PDZD2: variants seen among roughly 807,000 people sequenced by gnomAD.
The protein encoded by PDZD2 is PDZ domain containing 2.
A neutral mutation model predicts 220.7 loss-of-function variants in PDZD2; 90 were observed. The ratio of observed to expected loss-of-function variants is 0.41; its 90% CI spans 0.34 to 0.49. The LOEUF is 0.49. Among genes scored for constraint, PDZD2 ranks in the 20% least tolerant of loss-of-function variants. The pLI is 0.28. For synonymous variants in PDZD2, 1,375 were observed against 1,450.5 expected (o/e 0.95, Z 1.18); for missense variants, 3,174 against 3,608.5 (o/e 0.88, Z 3.08).
At chr5:31,642,028 T>C (rs1284973203) in intron 1 of PDZD2, among the ~76,000 whole-genome samples, 2 of 152,116 alleles carry the variant, frequency 1.3e-5, no homozygotes, top group Non-Finnish European at 1.5e-5. Context: ...CCTGGTGAGC[T>C]GAACAAGATA....
intron 1 of PDZD2, among the ~76,000 whole-genome samples, chr5:31,739,507 G>A (rs1750120584): frequency 6.6e-6 from 1 of 152,030 alleles, no homozygotes; most frequent in South Asian, 2.1e-4. Flanking sequence ...AAATGTTTAA[G>A]ATAAAAGAAG....
At chr5:32,055,608 C>A (rs891197654) in intron 10 of PDZD2, among the ~76,000 whole-genome samples, 1 of 152,156 alleles carries the variant, frequency 6.6e-6, no homozygotes, top group Admixed American at 6.5e-5. Flanking sequence ...TAGTTATCTT[C>A]AAAAATGCTG....
At position 32,108,034 on chromosome 5, in the gene PDZD2, C is replaced by T; in HGVS notation, c.8419C>T (p.Pro2807Ser). The T allele has an allele frequency of 1.2e-6, 2 of 1,611,964 alleles. No individual in the cohort carries two copies. Among genetic ancestry groups the T allele is most frequent in the Non-Finnish European group, 8.5e-7 (1 of 1,178,128 alleles). The change falls in exon 25 of 25, where the codon CCT becomes TCT. Residue 2807 changes from proline to serine, a missense_variant. Physicochemically the swap from Pro to Ser is moderately conservative, Grantham distance 74. This residue lies in a region of PDZD2 where 631 missense variants were observed against 789.9 expected (regional missense o/e 0.80). Coordinates refer to ENST00000438447, the MANE Select transcript of PDZD2 (RefSeq NM_178140.4). ...GDEILAINGKPLVGLMHFDAW... is the reference protein window; with the variant it reads ...GDEILAINGKSLVGLMHFDAW... ...TGAAATTCTTGCTATTAATGGGAAACCTCTGGTTGGGCTCATGCACTTTGA... is the reference window on the plus strand; with the variant it reads ...TGAAATTCTTGCTATTAATGGGAAATCTCTGGTTGGGCTCATGCACTTTGA...
intron 2 of PDZD2, among the ~76,000 whole-genome samples, chr5:31,877,601 C>T (rs542959587): frequency 5.9e-5 from 9 of 152,270 alleles, no homozygotes; most frequent in African/African-American, 9.6e-5. Context: ...GGTAAGGTCA[C>T]GCCTGGTATC....
intron 7 of PDZD2, among the ~76,000 whole-genome samples, chr5:32,044,649 G>T (rs1207272548): frequency 2.0e-5 from 3 of 152,182 alleles, no homozygotes; most frequent in Non-Finnish European, 2.9e-5. Context: ...TCTGACAGTC[G>T]CAATGCTTCA....
intron 2 of PDZD2, among the ~76,000 whole-genome samples, chr5:31,845,322 A>G (rs760031900): frequency 1.5e-4 from 23 of 152,236 alleles, no homozygotes; most frequent in Non-Finnish European, 2.5e-4. Flanking sequence ...TCTCACGGAT[A>G]ATCATTATGG....
At position 31,983,553 on chromosome 5, in the gene PDZD2, A is replaced by T. The variant is rs35992223; in HGVS notation, c.875A>T (p.His292Leu). 1.2e-6 allele frequency: 2 copies of T among 1,614,208 alleles called. No individual in the cohort carries two copies. The highest frequency in any genetic ancestry group is 1.7e-5 in the Admixed American group (1 of 60,030). ...TCAGAAGTGGACAGAGGGACAGAGCATAGAATTCCAAAGACAGATGCTCCT... is the reference window on the plus strand; with the variant it reads ...TCAGAAGTGGACAGAGGGACAGAGCTTAGAATTCCAAAGACAGATGCTCCT... ...ERSEVDRGTEHRIPKTDAPLT... is the reference protein window; with the variant it reads ...ERSEVDRGTELRIPKTDAPLT... Residue 292 changes from histidine to leucine, a missense_variant, in exon 3 of 25, where the codon CAT becomes CTT. His to Leu is a moderately conservative substitution (Grantham distance 99). Around this residue, in one of 4 missense-constraint regions of PDZD2, gnomAD observed 632 missense variants for 708.1 expected, o/e 0.89. Transcript: ENST00000438447.
chr5:31,802,613 C>G (rs1474685591), intron 2 of PDZD2, among the ~76,000 whole-genome samples: 2 of 152,108 alleles, frequency 1.3e-5, no homozygotes, highest in Non-Finnish European at 1.5e-5. Flanking sequence ...TTGTTTTAAT[C>G]AGATATGGTA....
intron 3 of PDZD2, among the ~76,000 whole-genome samples, chr5:31,989,103 A>G (rs906779582): frequency 6.6e-6 from 1 of 152,192 alleles, no homozygotes; most frequent in Non-Finnish European, 1.5e-5. Flanking sequence ...TCTTCAACAC[A>G]TATATTACGT....
intron 1 of PDZD2, among the ~76,000 whole-genome samples, chr5:31,710,138 G>A (rs1748021270): frequency 6.6e-6 from 1 of 152,020 alleles, no homozygotes. Flanking sequence ...GAGGTAAAAG[G>A]GAATTCAAAG....
Position 31,725,533 on chromosome 5 carries a change from G to A in PDZD2, c.-360-73356G>A, listed in dbSNP as rs1749073599. On this transcript the variant is annotated intron_variant, in intron 1 of 24. Transcript: ENST00000438447. ...AAATGATCATGGTTTATACTACCAG[G>A]GGCCACTGGACTTAGGACTAGTCCA... 11 of 1,366,436 alleles carry A rather than the reference G, an allele frequency of 8.1e-6. No homozygotes were observed. The South Asian group carries it at 1.5e-4, about 18-fold the overall frequency. 84.6% of individuals were successfully genotyped at this position (1,366,436 alleles called of 1,614,324 possible).
intron 2 of PDZD2, among the ~76,000 whole-genome samples, chr5:31,818,793 C>T (rs910348735): frequency 6.6e-6 from 1 of 152,178 alleles, no homozygotes; most frequent in Non-Finnish European, 1.5e-5. Context: ...ACTTGTGATT[C>T]GCCTACACTA....
chr5:32,090,025 G>A lies in PDZD2; in HGVS notation c.6577G>A (p.Asp2193Asn). 2 of 1,608,652 alleles carry A rather than the reference G, an allele frequency of 1.2e-6. No individual in the cohort carries two copies. The highest frequency in any genetic ancestry group is 1.7e-6 in the Non-Finnish European group (2 of 1,177,656). ...YSQGKSSLMS[D>N]SRGVPRNSIP... ...CCAGGGAAAATCAAGCCTGATGTCA[G>A]ACTCCCGAGGGGTGCCCAGAAACAG... Residue 2193 changes from aspartate to asparagine, a missense_variant, in exon 20 of 25, where the codon GAC becomes AAC. By Grantham distance (23) the Asp-to-Asn change is conservative. Coordinates refer to ENST00000438447, the MANE Select transcript of PDZD2 (RefSeq NM_178140.4). The surrounding 1 kb of genome is among the most constrained non-coding windows in gnomAD (Gnocchi z 4.3).
At chr5:31,850,005 TATACACACAC>T in intron 2 of PDZD2, among the ~76,000 whole-genome samples, 1 of 100,080 alleles carries the variant, frequency 1.0e-5, no homozygotes, top group Non-Finnish European at 1.9e-5. Flanking sequence ...CATATATATA[TATACACACAC>T]ACGTATATAC....
At chr5:32,042,479 A>G (rs1487841951) in intron 7 of PDZD2, among the ~76,000 whole-genome samples, 1 of 152,094 alleles carries the variant, frequency 6.6e-6, no homozygotes, top group Non-Finnish European at 1.5e-5. Context: ...AACCTGAGGC[A>G]GGAGAATCAC....
At chr5:31,897,473 G>T (rs1365382710) in intron 2 of PDZD2, among the ~76,000 whole-genome samples, 2 of 152,122 alleles carry the variant, frequency 1.3e-5, no homozygotes, top group Non-Finnish European at 2.9e-5. Flanking sequence ...AATATAAGTC[G>T]CAAGTGATGT....
At chr5:31,745,788 G>A (rs932059672) in intron 1 of PDZD2, among the ~76,000 whole-genome samples, 1 of 146,014 alleles carries the variant, frequency 6.8e-6, no homozygotes, top group Non-Finnish European at 1.5e-5. Context: ...GTGGTAAGGT[G>A]TTTCCTAACT....
rs148098306 is a variant in PDZD2 at position 31,893,197 on chromosome 5, C to A, written c.477-89958C>A. Reference sequence around the variant, plus strand: ...TGGCAGAATCACATCTTGGTGAAGACCATAGATAGCAGCAGTCCTTGAGAC... The same window carrying A: ...TGGCAGAATCACATCTTGGTGAAGAACATAGATAGCAGCAGTCCTTGAGAC... On this transcript the variant is annotated intron_variant, in intron 2 of 24. Coordinates refer to ENST00000438447, the MANE Select transcript of PDZD2 (RefSeq NM_178140.4). Among the ~76,000 whole-genome samples, 573 of 152,208 alleles carry A rather than the reference C, an allele frequency of 3.8e-3. 3 individuals are homozygous for A. Among genetic ancestry groups the A allele is most frequent in the African/African-American group, 0.013 (552 of 41,524 alleles).
At chr5:31,682,670 GCT>G (rs1491372920) in intron 1 of PDZD2, among the ~76,000 whole-genome samples, 3 of 127,554 alleles carry the variant, frequency 2.4e-5, no homozygotes, top group African/African-American at 9.3e-5. Flanking sequence ...CAGTCTTTCG[GCT>G]GTGTGTGTGT....
Sources: gnomAD v4.1 joint callset for allele counts (sites outside exome capture counted in the v4.1 genomes callset) on GRCh38, gnomAD v4.1.1 for gene constraint, gnomAD v4.1.1 regional missense constraint, Gnocchi (gnomAD v3.1) non-coding constraint, MANE v1.5 for transcripts, NCBI Gene and HGNC (gene_info 2026-07-23, HGNC 2026-07-21) for gene names.